The following LRRC47 variants were observed in gnomAD, a reference collection of about 807,000 sequenced individuals.
LRRC47 encodes leucine-rich repeat-containing protein 47.
In LRRC47, 31 loss-of-function variants were observed where a neutral mutation model predicts 40.9. The ratio of observed to expected loss-of-function variants is 0.76; its 90% CI spans 0.57 to 1.02. LRRC47 has a LOEUF of 1.02. Ranked by LOEUF, LRRC47 falls within the 50% of genes least tolerant of loss-of-function variation. The probability of loss-of-function intolerance (pLI) is 0.00; values close to 1 mark genes in which losing one functional copy is unlikely to be tolerated. For synonymous variants in LRRC47, 427 were observed against 371.9 expected (o/e 1.15, Z -1.70); for missense variants, 726 against 796.1 (o/e 0.91, Z 1.06).
At chr1:3,783,618 A>G (rs1329659023) in intron 4 of LRRC47, among the ~76,000 whole-genome samples, 1 of 152,176 alleles carries the variant, frequency 6.6e-6, no homozygotes, top group East Asian at 1.9e-4. Context: ...GAGCAGCACC[A>G]AGGACCCTGA....
At chr1:3,783,689 A>C (rs915621882) in intron 4 of LRRC47, 5 of 303,614 alleles carry the variant, frequency 1.6e-5, no homozygotes, top group East Asian at 6.1e-5. Flanking sequence ...GCTGGCATTT[A>C]TGTCTGTTTC....
At chr1:3,783,960 C>CT (rs1557640947) in intron 4 of LRRC47, 36 bp downstream of exon 4, 1 of 1,553,638 alleles carries the variant, frequency 6.4e-7, no homozygotes. Context: ...GGCACTCCCC[C>CT]GGGCCCGGCC....
Position 3,792,291 on chromosome 1 carries a change from G to C in LRRC47, c.615+3571C>G, listed in dbSNP as rs117290771. On this transcript the variant is annotated intron_variant, in intron 1 of 6. Transcript: ENST00000378251. The stretch of plus-strand genomic sequence containing the variant: ...TCCAAGAAACAGGTCTCCTGATAGA[G>C]AGCCACTGGACGCCTAAAATTTACG... Among the ~76,000 whole-genome samples the C allele has an allele frequency of 8.5e-5, 13 of 152,224 alleles. No individual in the cohort carries two copies. The East Asian group carries it at 2.1e-3, about 25-fold the overall frequency.
At chr1:3,789,680 CA>C (rs1643609216) in intron 1 of LRRC47, among the ~76,000 whole-genome samples, 1 of 152,194 alleles carries the variant, frequency 6.6e-6, no homozygotes, top group South Asian at 2.1e-4. Context: ...TGTGGGGAGT[CA>C]GGGGACAGGA....
rs1643507454 is a variant in LRRC47, at chr1:3,780,437, A to AT, written c.*650_*651insA. The AT allele has an allele frequency of 6.6e-6, 1 of 152,226 alleles. No individual in the cohort carries two copies. The highest frequency in any genetic ancestry group is 2.4e-5 in the African/African-American group (1 of 41,426). The allele number at this position is 152,226 out of a possible 1,614,324, so 9.4% of individuals were successfully genotyped here. On this transcript the variant is annotated 3_prime_UTR_variant, in exon 7 of 7. Coordinates refer to ENST00000378251, the MANE Select transcript of LRRC47 (RefSeq NM_020710.3). Reference sequence around the variant, plus strand: ...GCTGTTACGTGGCACATGACTGTACAGTGCCACGTAACAGCACTGTACTTT... The same window carrying AT: ...GCTGTTACGTGGCACATGACTGTACATGTGCCACGTAACAGCACTGTACTTT...
At chr1:3,782,494 A>G (rs1388270028) in intron 5 of LRRC47, among the ~76,000 whole-genome samples, 167 bp downstream of exon 5, 1 of 152,124 alleles carries the variant, frequency 6.6e-6, no homozygotes. Flanking sequence ...GGGTTTCTCC[A>G]TATTGGTCAG....
rs1374011652 is a variant in LRRC47 at position 3,783,996 on chromosome 1, C to T, written c.1310G>A (p.Arg437Lys). ...KKRQSVSGLH[R>K]YLHLLDGNEN... ...CCACCCCACCAGGCACGCTGCCCAC[C>T]TGTGCAGGCCCGACACACTCTGCCG... Residue 437 changes from arginine (R) to lysine (K), a missense_variant and splice_region_variant, in exon 4 of 7, where the codon AGA (arginine) becomes AAA (lysine). Arg to Lys is a conservative substitution (Grantham distance 26). Transcript: ENST00000378251. 1 of 1,604,612 alleles carries T rather than the reference C, an allele frequency of 6.2e-7. No individual in the cohort carries two copies. Among genetic ancestry groups the T allele is most frequent in the Admixed American group, 1.7e-5 (1 of 59,918 alleles).
At chr1:3,794,121 G>A (rs1316152698) in intron 1 of LRRC47, among the ~76,000 whole-genome samples, 1 of 152,036 alleles carries the variant, frequency 6.6e-6, no homozygotes, top group Non-Finnish European at 1.5e-5. Context: ...CGTGAACCCG[G>A]GAGGCGGAGC....
At chr1:3,789,462 G>A (rs1014174665) in intron 1 of LRRC47, among the ~76,000 whole-genome samples, 11 of 152,286 alleles carry the variant, frequency 7.2e-5, no homozygotes, top group Non-Finnish European at 8.8e-5. Flanking sequence ...CAAAGAGCAA[G>A]TTCCTTCAGA....
At chr1:3,781,654 G>A (rs913797671) in intron 5 of LRRC47, 53 bp from the exon 6 acceptor site, 1 of 1,386,678 alleles carries the variant, frequency 7.2e-7, no homozygotes, top group Non-Finnish European at 1.0e-6. Flanking sequence ...GTAGACATCA[G>A]CAACTGCAAC....
intron 1 of LRRC47, among the ~76,000 whole-genome samples, chr1:3,795,088 A>C (rs1643661134): frequency 6.6e-6 from 1 of 151,912 alleles, no homozygotes. Context: ...TGTCTGCATA[A>C]ATTCAAAGAC....
At chr1:3,792,824 A>AGTTGTGC (rs1643640037) in intron 1 of LRRC47, among the ~76,000 whole-genome samples, 1 of 152,218 alleles carries the variant, frequency 6.6e-6, no homozygotes, top group Non-Finnish European at 1.5e-5. Context: ...CTGACTGGAC[A>AGTTGTGC]CTTACATGAT....
Position 3,784,075 on chromosome 1 carries a change from C to A in LRRC47, c.1231G>T (p.Glu411Ter), listed in dbSNP as rs763278653. 6.2e-7 allele frequency: 1 copy of A among 1,613,166 alleles called. No individual in the cohort carries two copies. Among genetic ancestry groups the A allele is most frequent in the African/African-American group, 1.3e-5 (1 of 75,038 alleles). The change falls in exon 4 of 7, where the codon GAG becomes TAG. Residue 411 changes from glutamate (E) to a stop codon, truncating the protein, a stop_gained. Coordinates refer to ENST00000378251, the MANE Select transcript of LRRC47 (RefSeq NM_020710.3). LOFTEE classifies it high-confidence loss of function. ...TCCAGCTGCAGCTGCCGCACCAGCT[C>A]CTTGGCCTTGGCTTCTTTCCGCCCC... is the stretch of plus-strand genomic sequence containing the variant. ...PLGRKEAKAK[E>*]LVRQLQLEAE...
chr1:3,785,817 T>C (rs958989793), intron 2 of LRRC47, among the ~76,000 whole-genome samples: 2 of 151,912 alleles, frequency 1.3e-5, no homozygotes, highest in African/African-American at 4.8e-5. Context: ...TGTGATTTAC[T>C]GCAGAAGTCA....
At position 3,779,388 on chromosome 1, in the gene LRRC47, G is replaced by C. The variant is rs1458867731; in HGVS notation, c.*1700C>G. 2 of 152,232 alleles carry C rather than the reference G, an allele frequency of 1.3e-5. No homozygotes were observed. 9.4% of individuals were successfully genotyped at this position (152,232 alleles called of 1,614,324 possible). On this transcript the variant is annotated 3_prime_UTR_variant, in exon 7 of 7. Coordinates refer to ENST00000378251, the MANE Select transcript of LRRC47 (RefSeq NM_020710.3). ...ACAAATGGTGTCATTCGATAAAGCT[G>C]ATGAGTCTGCTTCTCACATGGCACC...
Position 3,781,268 on chromosome 1 carries a change from G to T in LRRC47, c.1572C>A (p.Ala524=). Residue 524 remains alanine, a synonymous_variant, in exon 7 of 7, where the codon GCC becomes GCA. Transcript: ENST00000378251. ...KEEGSLSDTE[A]DAVSGQLPDP... ...CTGGAAGTTGTCCAGAGACTGCATC[G>T]GCTTCAGTATCTGAGAGTGATCCTT... 6.2e-7 allele frequency: 1 copy of T among 1,614,098 alleles called. No homozygotes were observed. Among genetic ancestry groups the T allele is most frequent in the Non-Finnish European group, 8.5e-7 (1 of 1,179,946 alleles).
intron 1 of LRRC47, among the ~76,000 whole-genome samples, chr1:3,795,639 C>A (rs771854156): frequency 3.9e-5 from 6 of 152,236 alleles, no homozygotes; most frequent in Non-Finnish European, 8.8e-5. Context: ...AGTTCAGAGG[C>A]CACCTAGTAT....
Position 3,781,597 on chromosome 1 carries a change from T to C in LRRC47, c.1418A>G (p.Lys473Arg). The C allele has an allele frequency of 6.2e-7, 1 of 1,612,748 alleles. No individual in the cohort carries two copies. The highest frequency in any genetic ancestry group is 1.3e-5 in the African/African-American group (1 of 75,014). Reference sequence around the variant, plus strand: ...CAAAAACAAATCAGAAGTCGTTTTCTTAACCTTAAAAGAAAAAAACATTTC... The same window carrying C: ...CAAAAACAAATCAGAAGTCGTTTTCCTAACCTTAAAAGAAAAAAACATTTC... ...PITNSEKTKV[K>R]KTTSDLFLEV... The change falls in exon 6 of 7, where the codon AAG (lysine) becomes AGG (arginine). Residue 473 changes from lysine to arginine, a missense_variant. Lys to Arg is a conservative substitution (Grantham distance 26). Coordinates refer to ENST00000378251, the MANE Select transcript of LRRC47 (RefSeq NM_020710.3).
intron 3 of LRRC47, 38 bp downstream of exon 3, chr1:3,785,049 A>G: frequency 1.4e-6 from 2 of 1,477,556 alleles, no homozygotes; most frequent in Non-Finnish European, 1.8e-6. Flanking sequence ...GACACCAAGG[A>G]GACTCTTCAG....
Sources: gnomAD v4.1 joint callset for allele counts (sites outside exome capture counted in the v4.1 genomes callset) on GRCh38, gnomAD v4.1.1 for gene constraint, MANE v1.5 for transcripts, NCBI Gene and HGNC (gene_info 2026-07-23, HGNC 2026-07-21) for gene names.